ITGBL1: variants seen among roughly 807,000 people sequenced by gnomAD.
ITGBL1 encodes integrin beta-like protein 1.
ITGBL1 carries 51 observed loss-of-function variants against 68.5 expected under a neutral mutation model. That is an observed-to-expected ratio of 0.74 (90% CI 0.59 to 0.94). The LOEUF (loss-of-function observed/expected upper bound fraction) is 0.94. ITGBL1 is among the 40% of genes least tolerant of loss of function. ITGBL1 has a pLI of 0.00. For synonymous variants in ITGBL1, 209 were observed against 227.3 expected, an observed-to-expected ratio of 0.92 and a Z score of 0.72; for missense variants, 649 against 647.4, an observed-to-expected ratio of 1.00 and a Z score of -0.03.
intron 7 of ITGBL1, among the ~76,000 whole-genome samples, chr13:101,604,870 A>ATG (rs1555361678): frequency 4.1e-4 from 13 of 32,092 alleles, no homozygotes; most frequent in East Asian, 1.6e-3. Context: ...ATATATATAT[A>ATG]TATATATATA....
At chr13:101,672,191 A>G (rs1349980041) in intron 7 of ITGBL1, among the ~76,000 whole-genome samples, 1 of 152,248 alleles carries the variant, frequency 6.6e-6, no homozygotes, top group African/African-American at 2.4e-5. Flanking sequence ...TTATGTTTCT[A>G]AAGAAAAACT....
chr13:101,553,744 A>G (rs1250071948), intron 2 of ITGBL1, among the ~76,000 whole-genome samples: 1 of 151,336 alleles, frequency 6.6e-6, no homozygotes, highest in East Asian at 2.0e-4. Context: ...CATCTTCACA[A>G]GGCATTCTCG....
intron 5 of ITGBL1, among the ~76,000 whole-genome samples, chr13:101,581,240 T>C (rs1441608625): frequency 6.6e-6 from 1 of 152,196 alleles, no homozygotes; most frequent in South Asian, 2.1e-4. Context: ...CCTTTACACG[T>C]GGCTGAGAAG....
intron 6 of ITGBL1, among the ~76,000 whole-genome samples, chr13:101,585,159 A>G (rs2050530096): frequency 6.6e-6 from 1 of 152,154 alleles, no homozygotes; most frequent in Admixed American, 6.5e-5. Context: ...TGATGGTTTT[A>G]GGCAATAGAG....
At chr13:101,623,105 A>T (rs2031650288) in intron 7 of ITGBL1, among the ~76,000 whole-genome samples, 1 of 152,134 alleles carries the variant, frequency 6.6e-6, no homozygotes, top group South Asian at 2.1e-4. Flanking sequence ...GACGCTTGTT[A>T]ATGTTAACTA....
At chr13:101,506,694 T>A (rs2049032162) in intron 2 of ITGBL1, among the ~76,000 whole-genome samples, 1 of 152,242 alleles carries the variant, frequency 6.6e-6, no homozygotes, top group Non-Finnish European at 1.5e-5. Flanking sequence ...AGATAAAATT[T>A]GCTTCAGCTT....
chr13:101,522,669 A>G (rs1414664372), intron 2 of ITGBL1, among the ~76,000 whole-genome samples: 1 of 152,228 alleles, frequency 6.6e-6, no homozygotes, highest in Non-Finnish European at 1.5e-5. Context: ...ATATTTACTG[A>G]GTGTCTACAA....
At chr13:101,616,742 C>G in intron 7 of ITGBL1, among the ~76,000 whole-genome samples, 1 of 152,288 alleles carries the variant, frequency 6.6e-6, no homozygotes, top group South Asian at 2.1e-4. Context: ...CTACCCACCT[C>G]GACCTCCCAA....
At chr13:101,606,211 AT>A (rs1443781478) in intron 7 of ITGBL1, among the ~76,000 whole-genome samples, 2 of 146,470 alleles carry the variant, frequency 1.4e-5, no homozygotes, top group African/African-American at 5.1e-5. Flanking sequence ...TCATATATAT[AT>A]GATATATGTA....
rs577843588 is a variant in ITGBL1 at position 101,560,482 on chromosome 13, T to G, written c.317-7217T>G. 1.2e-4 allele frequency among the ~76,000 whole-genome samples: 18 copies of G among 152,326 alleles called. No individual in the cohort carries two copies. The South Asian group carries it at 1.7e-3, about 14-fold the overall frequency. ...TTAATACCTATCCTTCTCTATGTGA[T>G]AAAATTGTTGCCAGTAATAATCATG... On this transcript the variant is annotated intron_variant, in intron 2 of 10. Coordinates refer to ENST00000376180, the MANE Select transcript of ITGBL1 (RefSeq NM_004791.3).
In ITGBL1 at chr13:101,702,188, T is replaced by A. The variant is rs182979105; in HGVS notation, c.1133-4568T>A. ...TCTATTATTATCCTTTTAATGTCCA[T>A]AAGGTAAGATATAATCATCTCTCTC... On this transcript the variant is annotated intron_variant, in intron 8 of 10. Transcript: ENST00000376180. Among the ~76,000 whole-genome samples the A allele has an allele frequency of 2.5e-4, 38 of 152,288 alleles. 1 individual carries two copies. The East Asian group carries it at 5.2e-3, about 21-fold the overall frequency.
chr13:101,456,275 A>G (rs1213413081), intron 2 of ITGBL1, among the ~76,000 whole-genome samples: 1 of 152,160 alleles, frequency 6.6e-6, no homozygotes, highest in Non-Finnish European at 1.5e-5. Context: ...AACTTACTCT[A>G]CAGGGCCTTG....
At chr13:101,461,840 T>C (rs967460774) in intron 2 of ITGBL1, among the ~76,000 whole-genome samples, 1 of 152,210 alleles carries the variant, frequency 6.6e-6, no homozygotes, top group Non-Finnish European at 1.5e-5. Flanking sequence ...CTATTGCTGC[T>C]ACAACAAATT....
rs111439004 is a variant in ITGBL1 at position 101,602,264 on chromosome 13, T to G, written c.1015+3965T>G. Among the ~76,000 whole-genome samples, 499 of 152,188 alleles carry G rather than the reference T, an allele frequency of 3.3e-3. 1 individual carries two copies. The highest frequency in any genetic ancestry group is 0.011 in the African/African-American group (473 of 41,568). ...CATTGTATAAACAAATAGCTATGAATAAGCTTTTGTCATTTGAGAAGGAAG... is the reference window on the plus strand; with the variant it reads ...CATTGTATAAACAAATAGCTATGAAGAAGCTTTTGTCATTTGAGAAGGAAG... On this transcript the variant is annotated intron_variant, in intron 7 of 10. Transcript: ENST00000376180.
chr13:101,605,994 GTA>G, intron 7 of ITGBL1, among the ~76,000 whole-genome samples: 1 of 143,728 alleles, frequency 7.0e-6, no homozygotes, highest in South Asian at 2.2e-4. Flanking sequence ...ATATATATGT[GTA>G]TATATACACA....
intron 9 of ITGBL1, among the ~76,000 whole-genome samples, chr13:101,710,462 C>T (rs1004723966): frequency 2.0e-5 from 3 of 152,094 alleles, no homozygotes; most frequent in Non-Finnish European, 4.4e-5. Context: ...CACAACCCAC[C>T]CTGAGAACCA....
chr13:101,567,564 G>A, intron 2 of ITGBL1, 135 bp from the exon 3 acceptor site: 1 of 663,690 alleles, frequency 1.5e-6, no homozygotes, highest in Non-Finnish European at 2.5e-6. Context: ...TTACCCCTCA[G>A]CCACTGCGAT....
At position 101,707,031 on chromosome 13, in the gene ITGBL1, C is replaced by T. The variant is rs1272634987; in HGVS notation, c.1279+129C>T. ...CAAACCACTATGTCCTCTGCTGTCC[C>T]CAACTTGAAGCTTGAAGATTAACCA... On this transcript the variant is annotated intron_variant, in intron 9 of 10. Transcript: ENST00000376180. 1.4e-5 allele frequency: 12 copies of T among 865,504 alleles called. No homozygotes were observed. In the East Asian group the frequency reaches 3.1e-4, roughly 22 times the overall value. 53.6% of individuals were successfully genotyped at this position (865,504 alleles called of 1,614,324 possible). A position where few individuals can be genotyped will look rare whatever the true frequency, so the allele number is the denominator to read the frequency against.
intron 7 of ITGBL1, among the ~76,000 whole-genome samples, chr13:101,617,696 C>A (rs1237138616): frequency 6.6e-6 from 1 of 152,026 alleles, no homozygotes; most frequent in African/African-American, 2.4e-5. Flanking sequence ...ATGACTCTAA[C>A]CTAATATTTA....
Sources: allele counts gnomAD v4.1 joint callset (sites outside exome capture counted in the v4.1 genomes callset), GRCh38; gene constraint gnomAD v4.1.1; transcripts MANE v1.5; gene names NCBI Gene and HGNC (gene_info 2026-07-23, HGNC 2026-07-21).